FAM124A: variants seen among roughly 807,000 people sequenced by gnomAD.
FAM124A encodes family with sequence similarity 124 member A, also known as protein FAM124A.
A neutral mutation model predicts 24.5 loss-of-function variants in FAM124A; 23 were observed. The observed-to-expected ratio is 0.94, with a 90% CI of 0.68 to 1.33. The LOEUF (loss-of-function observed/expected upper bound fraction) is 1.33, where lower values mean the gene tolerates loss of function less well. Among genes scored for constraint, FAM124A ranks in the 40% most tolerant of loss-of-function variants. The pLI is 0.00. For missense variants in FAM124A, 623 were observed against 722.8 expected (o/e 0.86, Z 1.58); for synonymous variants, 287 against 314.7 (o/e 0.91, Z 0.93).
In FAM124A at chr13:51,277,325, CAGGGTGGG is replaced by C. The variant is rs749479281; in HGVS notation, c.835-3110_835-3103del. ...GGAATAAGAGACACTGGAGCCTCCA[CAGGGTGGG>C]AGGGTGGGAGGGTGACCAGGGGTGA... is the stretch of plus-strand genomic sequence containing the variant. On this transcript the variant is annotated intron_variant, in intron 3 of 3. Transcript: ENST00000322475. Among the ~76,000 whole-genome samples, 7 of 115,314 alleles carry C rather than the reference CAGGGTGGG, an allele frequency of 6.1e-5. No homozygotes were observed. The Admixed American group carries it at 6.7e-4, about 11-fold the overall frequency. The allele number at this position is 115,314 out of a possible 152,430, so 75.7% of individuals were successfully genotyped here.
chr13:51,236,848 C>T (rs1028278896), intron 2 of FAM124A, among the ~76,000 whole-genome samples: 1 of 152,162 alleles, frequency 6.6e-6, no homozygotes, highest in African/African-American at 2.4e-5. Flanking sequence ...TTAGAGTCTT[C>T]ATTTTTTCTT....
rs2137721175 is a variant in FAM124A at position 51,283,363 on chromosome 13, C to T, written c.*2107C>T. 1 of 152,240 alleles carries T rather than the reference C, an allele frequency of 6.6e-6. No individual in the cohort carries two copies. The highest frequency in any genetic ancestry group is 1.9e-4 in the East Asian group (1 of 5,168). The allele number at this position is 152,240 out of a possible 1,614,324, so 9.4% of individuals were successfully genotyped here. On this transcript the variant is annotated 3_prime_UTR_variant, in exon 4 of 4. Transcript: ENST00000322475. ...GCCAATAAAACTTTATTTACAAGAA[C>T]AGCTGGTGGGCCAGATTTGGCCCAA...
At position 51,242,835 on chromosome 13, in the gene FAM124A, T is replaced by A. The variant is rs115965518; in HGVS notation, c.101-8633T>A. Among the ~76,000 whole-genome samples the A allele has an allele frequency of 5.9e-3, 905 of 152,286 alleles. 11 individuals carry two copies. The highest frequency in any genetic ancestry group is 0.021 in the African/African-American group (871 of 41,560). ...AATTAGACATCCACATCGCTGACAT[T>A]GTTCCTCCAGCAAATCATAAAAAAA... On this transcript the variant is annotated intron_variant, in intron 2 of 3. Transcript: ENST00000322475.
chr13:51,236,258 G>T (rs1954434267), intron 2 of FAM124A, among the ~76,000 whole-genome samples: 1 of 152,192 alleles, frequency 6.6e-6, no homozygotes, highest in African/African-American at 2.4e-5. Context: ...GTTATAGCTG[G>T]TCTAGAGCCA....
chr13:51,255,575 A>G (rs10444642), intron 3 of FAM124A, among the ~76,000 whole-genome samples: 2,325 of 152,362 alleles, frequency 0.015, 22 homozygotes, highest in South Asian at 0.023. Context: ...AAAATCAGCT[A>G]TGCTTTAGAT....
intron 3 of FAM124A, among the ~76,000 whole-genome samples, chr13:51,277,414 A>G (rs558029752): frequency 1.9e-4 from 29 of 152,332 alleles, no homozygotes; most frequent in African/African-American, 7.0e-4. Context: ...TGGGTACACT[A>G]AAAGCCCAGA....
At chr13:51,243,748 C>T (rs927525280) in intron 2 of FAM124A, among the ~76,000 whole-genome samples, 1 of 152,094 alleles carries the variant, frequency 6.6e-6, no homozygotes, top group African/African-American at 2.4e-5. Flanking sequence ...GTTGCCCAGG[C>T]TGGTCTTGAA....
Position 51,222,549 on chromosome 13 carries a change from C to T in FAM124A, c.48C>T (p.Asp16=). The T allele has an allele frequency of 8.2e-7, 1 of 1,225,300 alleles. No individual in the cohort carries two copies. The highest frequency in any genetic ancestry group is 1.0e-6 in the Non-Finnish European group (1 of 984,682). The allele number at this position is 1,225,300 out of a possible 1,614,324, so 75.9% of individuals were successfully genotyped here. A position where few individuals can be genotyped will look rare whatever the true frequency, so the allele number is the denominator to read the frequency against. Residue 16 remains aspartate (D), a synonymous_variant, in exon 1 of 4, where the codon GAC becomes GAT. Transcript: ENST00000322475. ...GCGGCGAGGAGGACGACTGCGTGGACTCGGGCGCCGAGACCGGAGGGTGAG... is the reference window on the plus strand; with the variant it reads ...GCGGCGAGGAGGACGACTGCGTGGATTCGGGCGCCGAGACCGGAGGGTGAG... ...GGGGEEDDCV[D]SGAETGGSDY...
At chr13:51,241,131 T>C (rs1467142646) in intron 2 of FAM124A, among the ~76,000 whole-genome samples, 1 of 152,176 alleles carries the variant, frequency 6.6e-6, no homozygotes, top group Non-Finnish European at 1.5e-5. Context: ...GACCATTTCC[T>C]CTGTTATGAG....
intron 2 of FAM124A, among the ~76,000 whole-genome samples, chr13:51,235,989 C>T (rs1954431041): frequency 6.6e-6 from 1 of 152,216 alleles, no homozygotes; most frequent in South Asian, 2.1e-4. Context: ...GATTCCTGCC[C>T]TCTTCCATTT....
At chr13:51,256,821 C>G (rs1050318307) in intron 3 of FAM124A, among the ~76,000 whole-genome samples, 8 of 152,230 alleles carry the variant, frequency 5.3e-5, no homozygotes, top group African/African-American at 1.4e-4. Flanking sequence ...AACTGAAAGT[C>G]TGTACCCACT....
rs748480733 is a variant in FAM124A at position 51,284,145 on chromosome 13, A to G, written c.*2889A>G. ...TCTTCCTCATCCAGAAGGGCTTCCA[A>G]TACTCTCTGGAGGATCCTGACTCGT... On this transcript the variant is annotated 3_prime_UTR_variant, in exon 4 of 4. Coordinates refer to ENST00000322475, the MANE Select transcript of FAM124A (RefSeq NM_001242312.2). 11 of 152,202 alleles carry G rather than the reference A, an allele frequency of 7.2e-5. No individual in the cohort carries two copies. Among genetic ancestry groups the G allele is most frequent in the South Asian group, 4.1e-4 (2 of 4,832 alleles). 9.4% of individuals were successfully genotyped at this position (152,202 alleles called of 1,614,324 possible).
chr13:51,235,671 C>T (rs1304912294), intron 2 of FAM124A, among the ~76,000 whole-genome samples: 3 of 152,208 alleles, frequency 2.0e-5, no homozygotes, highest in Non-Finnish European at 4.4e-5. Context: ...AACTGTTCCT[C>T]CTCAAAACTC....
intron 2 of FAM124A, among the ~76,000 whole-genome samples, chr13:51,234,167 C>T (rs1954410217): frequency 6.6e-6 from 1 of 152,180 alleles, no homozygotes; most frequent in African/African-American, 2.4e-5. Context: ...GATTTTTCTG[C>T]GTGTGCAAGT....
At chr13:51,234,899 G>A (rs1292898159) in intron 2 of FAM124A, among the ~76,000 whole-genome samples, 2 of 152,084 alleles carry the variant, frequency 1.3e-5, no homozygotes, top group African/African-American at 4.8e-5. Flanking sequence ...TCCTTTTTGT[G>A]CCCCTCCCCT....
intron 2 of FAM124A, among the ~76,000 whole-genome samples, chr13:51,242,444 C>T (rs1954507547): frequency 6.6e-6 from 1 of 152,132 alleles, no homozygotes; most frequent in South Asian, 2.1e-4. Flanking sequence ...TCCTTGCAGT[C>T]CCAGGGACTT....
At chr13:51,247,910 C>G (rs1372125931) in intron 2 of FAM124A, among the ~76,000 whole-genome samples, 2 of 152,056 alleles carry the variant, frequency 1.3e-5, no homozygotes, top group African/African-American at 4.8e-5. Context: ...TCAACCAAAC[C>G]GAAAGAAGCC....
intron 3 of FAM124A, among the ~76,000 whole-genome samples, chr13:51,279,270 C>T (rs1406346346): frequency 1.3e-5 from 2 of 151,496 alleles, no homozygotes; most frequent in Admixed American, 1.3e-4. Flanking sequence ...TGGTTTGTTT[C>T]CCCAGCAGCC....
intron 2 of FAM124A, among the ~76,000 whole-genome samples, chr13:51,239,703 T>A (rs1371051455): frequency 6.6e-6 from 1 of 152,194 alleles, no homozygotes; most frequent in Non-Finnish European, 1.5e-5. Flanking sequence ...CTGTACTCTT[T>A]AAAGCTTTTG....
Sources: gnomAD v4.1 joint callset for allele counts (sites outside exome capture counted in the v4.1 genomes callset) on GRCh38, gnomAD v4.1.1 for gene constraint, MANE v1.5 for transcripts, NCBI Gene and HGNC (gene_info 2026-07-23, HGNC 2026-07-21) for gene names.